The following FBXL7 variants were observed in gnomAD, a reference collection of about 807,000 sequenced individuals.
FBXL7 encodes F-box and leucine rich repeat protein 7, also known as F-box/LRR-repeat protein 7.
FBXL7 carries 12 observed loss-of-function variants against 38.3 expected under a neutral mutation model. The ratio of observed to expected loss-of-function variants is 0.31; its 90% CI spans 0.20 to 0.51. The LOEUF (loss-of-function observed/expected upper bound fraction) is 0.51, where lower values mean the gene tolerates loss of function less well. Among genes scored for constraint, FBXL7 ranks in the 20% least tolerant of loss-of-function variants. The probability of loss-of-function intolerance (pLI) is 0.98; values close to 1 mark genes in which losing one functional copy is unlikely to be tolerated. For synonymous variants in FBXL7, 297 were observed against 300.9 expected (o/e 0.99, Z 0.13); for missense variants, 567 against 676.4 (o/e 0.84, Z 1.79).
chr5:15,580,681 G>A (rs1409056286), intron 1 of FBXL7: 1 of 985,380 alleles, frequency 1.0e-6, no homozygotes, highest in South Asian at 4.7e-5. Context: ...TAACCTCTGG[G>A]TCCGGGAGTG....
At chr5:15,914,855 A>G (rs976784349) in intron 2 of FBXL7, among the ~76,000 whole-genome samples, 1 of 152,224 alleles carries the variant, frequency 6.6e-6, no homozygotes, top group African/African-American at 2.4e-5. Context: ...TGAAGGAGGC[A>G]TCTCCTGGCC....
chr5:15,876,911 T>C (rs990789158), intron 2 of FBXL7, among the ~76,000 whole-genome samples: 2 of 152,218 alleles, frequency 1.3e-5, no homozygotes, highest in Non-Finnish European at 2.9e-5. Flanking sequence ...ATTTTGTGAA[T>C]TGATGAATGA....
At chr5:15,672,954 G>A (rs1215317436) in intron 2 of FBXL7, among the ~76,000 whole-genome samples, 2 of 151,944 alleles carry the variant, frequency 1.3e-5, no homozygotes, top group Non-Finnish European at 2.9e-5. Context: ...AGCCTTATTT[G>A]ACCGTTCCAC....
rs537086221 is a variant in FBXL7, at chr5:15,866,510, C to T, written c.128-61380C>T. On this transcript the variant is annotated intron_variant, in intron 2 of 3. Coordinates refer to ENST00000504595, the MANE Select transcript of FBXL7 (RefSeq NM_012304.5). ...ATTGTTCCTGTATTTTTTCCTTTAA[C>T]TTTATCTGTAGCTAATGCCCATTAC... Among the ~76,000 whole-genome samples the T allele has an allele frequency of 9.2e-5, 14 of 151,400 alleles. 1 individual carries two copies. The highest frequency in any genetic ancestry group is 3.4e-4 in the African/African-American group (14 of 41,460).
At chr5:15,793,926 G>A (rs532702499) in intron 2 of FBXL7, among the ~76,000 whole-genome samples, 12 of 152,258 alleles carry the variant, frequency 7.9e-5, no homozygotes, top group Middle Eastern at 6.8e-3. Flanking sequence ...AGCCATGTGC[G>A]CCTCTCCCAT....
intron 2 of FBXL7, among the ~76,000 whole-genome samples, chr5:15,692,147 C>T (rs545296045): frequency 1.3e-5 from 2 of 152,278 alleles, no homozygotes; most frequent in South Asian, 4.1e-4. Context: ...GGTCACTTCT[C>T]TTTTCTAATT....
At chr5:15,528,561 A>G (rs2126386801) in intron 1 of FBXL7, among the ~76,000 whole-genome samples, 1 of 152,336 alleles carries the variant, frequency 6.6e-6, no homozygotes, top group South Asian at 2.1e-4. Context: ...ATGAGAGCCA[A>G]ATGAAAAGGT....
chr5:15,894,206 A>G (rs778777941), intron 2 of FBXL7, among the ~76,000 whole-genome samples: 1 of 152,252 alleles, frequency 6.6e-6, no homozygotes, highest in Non-Finnish European at 1.5e-5. Flanking sequence ...GATTGCGGTG[A>G]GCCGAGATCG....
At chr5:15,856,352 G>A (rs1355914847) in intron 2 of FBXL7, among the ~76,000 whole-genome samples, 1 of 152,018 alleles carries the variant, frequency 6.6e-6, no homozygotes, top group African/African-American at 2.4e-5. Flanking sequence ...TTTGGGTGGG[G>A]ACACAGAGCT....
intron 2 of FBXL7, among the ~76,000 whole-genome samples, chr5:15,795,821 A>G (rs964706320): frequency 5.3e-5 from 8 of 152,132 alleles, no homozygotes; most frequent in African/African-American, 1.9e-4. Context: ...GAGATCCACT[A>G]TACCTGAGCA....
Position 15,500,682 on chromosome 5 carries a change from C to G in FBXL7, c.6C>G (p.Gly2=), listed in dbSNP as rs375889025. The stretch of plus-strand genomic sequence containing the variant: ...GCGGGCATGACGGCTACAGGATGGG[C>G]GCGAACAATGGCAAACAGTACGGCA... M[G]ANNGKQYGSE... Residue 2 remains glycine (G), a synonymous_variant, in exon 1 of 4, where the codon GGC becomes GGG. Transcript: ENST00000504595. 1.9e-6 allele frequency: 3 copies of G among 1,611,996 alleles called. No homozygotes were observed. The highest frequency in any genetic ancestry group is 2.2e-5 in the East Asian group (1 of 44,506).
At chr5:15,695,907 C>G (rs1351210897) in intron 2 of FBXL7, among the ~76,000 whole-genome samples, 1 of 152,192 alleles carries the variant, frequency 6.6e-6, no homozygotes, top group Non-Finnish European at 1.5e-5. Flanking sequence ...GCTGCAGTTG[C>G]TTTCTCTGTT....
intron 2 of FBXL7, among the ~76,000 whole-genome samples, chr5:15,828,147 T>G (rs1564210): frequency 3.9e-5 from 6 of 152,212 alleles, no homozygotes; most frequent in Admixed American, 3.9e-4. Flanking sequence ...ATGGAAATAA[T>G]ACCTATCTTA....
At chr5:15,856,493 C>A (rs1739275795) in intron 2 of FBXL7, among the ~76,000 whole-genome samples, 1 of 151,852 alleles carries the variant, frequency 6.6e-6, no homozygotes, top group Admixed American at 6.6e-5. Flanking sequence ...ACAACAAACA[C>A]CCACAACCCA....
At chr5:15,830,791 G>T (rs1156675886) in intron 2 of FBXL7, among the ~76,000 whole-genome samples, 16 of 152,144 alleles carry the variant, frequency 1.1e-4, no homozygotes, top group Admixed American at 1.0e-3. Context: ...GTGCCCAAAG[G>T]GAGAGAAGAT....
chr5:15,559,070 G>A (rs1738335780), intron 1 of FBXL7, among the ~76,000 whole-genome samples: 2 of 152,200 alleles, frequency 1.3e-5, no homozygotes, highest in Non-Finnish European at 2.9e-5. Flanking sequence ...GCTAACAGTA[G>A]TAGTATGTTT....
intron 3 of FBXL7, among the ~76,000 whole-genome samples, chr5:15,934,391 T>G (rs962402887): frequency 2.0e-5 from 3 of 152,132 alleles, no homozygotes; most frequent in Non-Finnish European, 4.4e-5. Context: ...TACATTAATA[T>G]ACCATAAGTA....
chr5:15,917,132 A>T (rs889163094), intron 2 of FBXL7, among the ~76,000 whole-genome samples: 1 of 152,288 alleles, frequency 6.6e-6, no homozygotes, highest in African/African-American at 2.4e-5. Context: ...TTTTCTGTCC[A>T]TGCTCTTTCC....
chr5:15,800,759 C>A (rs1047300544), intron 2 of FBXL7, among the ~76,000 whole-genome samples: 1 of 152,070 alleles, frequency 6.6e-6, no homozygotes, highest in Admixed American at 6.6e-5. Flanking sequence ...GAGGCATGTC[C>A]GGGGTGTTAT....
Sources: gnomAD v4.1 joint callset for allele counts (sites outside exome capture counted in the v4.1 genomes callset) on GRCh38, gnomAD v4.1.1 for gene constraint, MANE v1.5 for transcripts, NCBI Gene and HGNC (gene_info 2026-07-23, HGNC 2026-07-21) for gene names.